The following KCNK9 variants were observed in gnomAD, a reference collection of about 807,000 sequenced individuals.
KCNK9 encodes the protein potassium two pore domain channel subfamily K member 9.
KCNK9 carries 1 observed loss-of-function variant against 10.8 expected under a neutral mutation model. That is an observed-to-expected ratio of 0.09 (90% CI 0.03 to 0.44). The LOEUF (loss-of-function observed/expected upper bound fraction) is 0.44. Among genes scored for constraint, KCNK9 ranks in the 20% least tolerant of loss-of-function variants. The pLI, the probability that KCNK9 is intolerant of heterozygous loss-of-function variation, is 0.97. For missense variants in KCNK9, 303 were observed against 515.0 expected (o/e 0.59, Z 3.98); for synonymous variants, 231 against 222.7 (o/e 1.04, Z -0.33).
intron 2 of KCNK9, among the ~76,000 whole-genome samples, chr8:139,603,773 C>T (rs1817425276): frequency 6.6e-6 from 1 of 152,162 alleles, no homozygotes. Context: ...CCATATTATC[C>T]CTTGAAGATT....
At chr8:139,622,804 C>T (rs1287946924) in intron 1 of KCNK9, among the ~76,000 whole-genome samples, 1 of 152,206 alleles carries the variant, frequency 6.6e-6, no homozygotes, top group African/African-American at 2.4e-5. Context: ...ATTAAGTCCA[C>T]ATGTCAGATG....
chr8:139,610,519 G>A (rs1475901291), downstream of KCNK9, among the ~76,000 whole-genome samples: 1 of 152,190 alleles, frequency 6.6e-6, no homozygotes, highest in Non-Finnish European at 1.5e-5. Context: ...ATGCTTAAGT[G>A]AAAGACCAAG....
intron 2 of KCNK9, chr8:139,602,081 A>T (rs746923496): frequency 5.3e-5 from 8 of 152,370 alleles, no homozygotes; most frequent in Non-Finnish European, 7.3e-5. Flanking sequence ...AGAAGGAAAG[A>T]AAGTCCTGGA....
intron 1 of KCNK9, among the ~76,000 whole-genome samples, chr8:139,659,095 G>T (rs541691107): frequency 1.3e-5 from 2 of 152,360 alleles, no homozygotes; most frequent in South Asian, 4.1e-4. Context: ...GTATCAAGCC[G>T]CTGAGTCTTC....
intron 1 of KCNK9, among the ~76,000 whole-genome samples, chr8:139,661,075 G>A (rs1395726406): frequency 5.9e-5 from 9 of 152,216 alleles, no homozygotes; most frequent in African/African-American, 2.2e-4. Context: ...AAACCCAGCG[G>A]GGCTGGACAT....
intron 1 of KCNK9, among the ~76,000 whole-genome samples, chr8:139,638,526 A>G (rs938192604): frequency 6.6e-6 from 1 of 152,222 alleles, no homozygotes; most frequent in African/African-American, 2.4e-5. Flanking sequence ...CTCAAACCAG[A>G]GCAGGAAACA....
chr8:139,625,923 C>T (rs1814958671), intron 1 of KCNK9, among the ~76,000 whole-genome samples: 1 of 152,182 alleles, frequency 6.6e-6, no homozygotes, highest in Non-Finnish European at 1.5e-5. Flanking sequence ...ATGGCAGCCA[C>T]CAGGTACCAG....
chr8:139,623,887 C>T (rs1814876381), intron 1 of KCNK9, among the ~76,000 whole-genome samples: 1 of 152,170 alleles, frequency 6.6e-6, no homozygotes, highest in Non-Finnish European at 1.5e-5. Flanking sequence ...CAGAGGGGCG[C>T]CTCCGACTGC....
intron 1 of KCNK9, among the ~76,000 whole-genome samples, chr8:139,625,504 G>A (rs1382319476): frequency 6.6e-6 from 1 of 152,216 alleles, no homozygotes; most frequent in Non-Finnish European, 1.5e-5. Context: ...TCCTTGCTGT[G>A]CAAGTGACTT....
At chr8:139,687,460 TCA>T (rs1816825238) in intron 1 of KCNK9, among the ~76,000 whole-genome samples, 1 of 130,116 alleles carries the variant, frequency 7.7e-6, no homozygotes, top group African/African-American at 2.9e-5. Flanking sequence ...ACATATATAT[TCA>T]TATATTCATA....
chr8:139,619,564 G>C (rs1248647592), intron 1 of KCNK9, among the ~76,000 whole-genome samples: 1 of 152,178 alleles, frequency 6.6e-6, no homozygotes, highest in Non-Finnish European at 1.5e-5. Flanking sequence ...ATGAAGAGTG[G>C]ATTTTCAAAG....
intron 1 of KCNK9, among the ~76,000 whole-genome samples, chr8:139,657,263 G>A (rs189941040): frequency 6.6e-6 from 1 of 152,284 alleles, no homozygotes; most frequent in African/African-American, 2.4e-5. Context: ...GAACCTCTCT[G>A]AGCTTAACTT....
chr8:139,686,624 A>G (rs1478428912), intron 1 of KCNK9, among the ~76,000 whole-genome samples: 1 of 152,214 alleles, frequency 6.6e-6, no homozygotes, highest in Non-Finnish European at 1.5e-5. Context: ...AGATTGCAAA[A>G]GCCAAGGCAC....
At chr8:139,657,301 C>T (rs990266035) in intron 1 of KCNK9, among the ~76,000 whole-genome samples, 5 of 152,206 alleles carry the variant, frequency 3.3e-5, no homozygotes, top group African/African-American at 9.7e-5. Context: ...AAAACCACCA[C>T]CACTTGAGAG....
exon 3 of KCNK9, chr8:139,601,595 C>T (rs151165867): frequency 2.0e-5 from 3 of 152,288 alleles, no homozygotes; most frequent in East Asian, 3.9e-4. Flanking sequence ...GGGCCGCCTG[C>T]ACGGTCCTGT....
At position 139,680,265 on chromosome 8, in the gene KCNK9, G is replaced by A. The variant is rs1301569193; in HGVS notation, c.283+22445C>T. The stretch of plus-strand genomic sequence containing the variant: ...TCTGGGTCTTCTGGGGGTGGCAGAG[G>A]GGGCAGGCGGGGCCCAGCTTCAGGA... On this transcript the variant is annotated intron_variant, in intron 1 of 1. Coordinates refer to ENST00000520439, the MANE Select transcript of KCNK9 (RefSeq NM_001282534.2). Among the ~76,000 whole-genome samples the A allele has an allele frequency of 2.6e-5, 4 of 152,232 alleles. No homozygotes were observed. In the East Asian group the frequency reaches 7.7e-4, roughly 29 times the overall value.
downstream of KCNK9, among the ~76,000 whole-genome samples, chr8:139,607,761 A>T (rs1438775332): frequency 1.3e-5 from 2 of 152,126 alleles, no homozygotes; most frequent in African/African-American, 4.8e-5. Flanking sequence ...CCACTGCTGG[A>T]AAGACTGGGC....
intron 2 of KCNK9, among the ~76,000 whole-genome samples, chr8:139,604,799 C>T (rs1332406879): frequency 1.3e-5 from 2 of 152,150 alleles, no homozygotes; most frequent in Non-Finnish European, 2.9e-5. Flanking sequence ...CAGAGCTGAG[C>T]AGGTAAGCAG....
At chr8:139,695,978 G>A (rs1301029989) in intron 1 of KCNK9, among the ~76,000 whole-genome samples, 4 of 152,152 alleles carry the variant, frequency 2.6e-5, no homozygotes, top group Non-Finnish European at 4.4e-5. Context: ...TCTGTGAGCT[G>A]AAATCCCTCT....
Sources: allele counts gnomAD v4.1 joint callset (sites outside exome capture counted in the v4.1 genomes callset), GRCh38; gene constraint gnomAD v4.1.1; transcripts MANE v1.5; gene names NCBI Gene and HGNC (gene_info 2026-07-23, HGNC 2026-07-21).